Variants in COL6A5 observed in about 807,000 individuals in gnomAD.
The protein encoded by COL6A5 is collagen type VI alpha 5 chain, also known as collagen alpha-5(VI) chain.
Under a neutral mutation model 65.6 loss-of-function variants are expected in COL6A5, and 48 were observed. That is an observed-to-expected ratio of 0.73 (90% CI 0.58 to 0.93). COL6A5 has a LOEUF of 0.93. Among genes scored for constraint, COL6A5 ranks in the 40% least tolerant of loss-of-function variants. The probability of loss-of-function intolerance (pLI) is 0.00; values close to 1 mark genes in which losing one functional copy is unlikely to be tolerated. For synonymous variants in COL6A5, 291 were observed against 322.8 expected, an observed-to-expected ratio of 0.90 and a Z score of 1.05; for missense variants, 914 against 928.3, an observed-to-expected ratio of 0.98 and a Z score of 0.20.
At chr3:130,349,248 A>C (rs1032667894) in intron 1 of COL6A5, among the ~76,000 whole-genome samples, 5 of 152,362 alleles carry the variant, frequency 3.3e-5, no homozygotes, top group African/African-American at 1.2e-4. Flanking sequence ...ATAATAAGAA[A>C]CATGAAGAGA....
Position 130,444,783 on chromosome 3 carries a change from T to TC in COL6A5, c.1332+1219dup, listed in dbSNP as rs544473584. Among the ~76,000 whole-genome samples, 266 of 152,272 alleles carry TC rather than the reference T, an allele frequency of 1.7e-3. 1 individual carries two copies. The highest frequency in any genetic ancestry group is 6.1e-3 in the African/African-American group (254 of 41,570). On this transcript the variant is annotated intron_variant, in intron 4 of 7. Transcript: ENST00000512836. ...CTGCCACCTGATCTAACACCTCAGC[T>TC]CCAGGCATGATGGATAAGTGAGCTT... is the stretch of plus-strand genomic sequence containing the variant.
At chr3:130,397,922 AG>A (rs1478825826) in exon 9 of COL6A5, 1 of 1,550,036 alleles carries the variant, frequency 6.5e-7, no homozygotes, top group Non-Finnish European at 8.7e-7. Context: ...TCCCGGGGCC[AG>A]GTATCCATAT....
chr3:130,457,654 CA>C (rs1230026362), intron 5 of COL6A5, among the ~76,000 whole-genome samples: 2 of 152,044 alleles, frequency 1.3e-5, no homozygotes, highest in East Asian at 3.9e-4. Flanking sequence ...GCGTTTCAGA[CA>C]GAAGGATAAT....
chr3:130,401,406 C>A (rs573799215), intron 11 of COL6A5, among the ~76,000 whole-genome samples: 2 of 152,312 alleles, frequency 1.3e-5, no homozygotes, highest in Non-Finnish European at 2.9e-5. Flanking sequence ...CCAACCAACT[C>A]ATAATTGAAT....
exon 23 of COL6A5, chr3:130,415,681 G>C: frequency 6.5e-7 from 1 of 1,548,870 alleles, no homozygotes; most frequent in African/African-American, 1.4e-5. Flanking sequence ...AGGAGAAAAA[G>C]GAAGCCAGGG....
At chr3:130,421,298 A>G in intron 26 of COL6A5, 27 bp from the exon 27 acceptor site, 2 of 1,550,378 alleles carry the variant, frequency 1.3e-6, no homozygotes, top group South Asian at 2.4e-5. Context: ...ATGTTGATGT[A>G]TTTATGTTCT....
At chr3:130,361,539 G>A (rs535735477) in intron 1 of COL6A5, among the ~76,000 whole-genome samples, 4 of 152,106 alleles carry the variant, frequency 2.6e-5, no homozygotes, top group Admixed American at 1.3e-4. Flanking sequence ...GAACATCCAC[G>A]TGTAGTTTTT....
chr3:130,443,551 A>G (rs9883988), exon 4 of COL6A5: 1,498,177 of 1,607,236 alleles, frequency 0.93, 699,888 homozygotes, highest in Non-Finnish European at 0.95. Flanking sequence ...GAGAATATTC[A>G]AAATGATGGT....
At chr3:130,462,887 A>C (rs1012433527) in intron 5 of COL6A5, among the ~76,000 whole-genome samples, 2 of 152,048 alleles carry the variant, frequency 1.3e-5, no homozygotes, top group African/African-American at 2.4e-5. Flanking sequence ...TTCTGCTAGA[A>C]TCTCATCTCT....
intron 5 of COL6A5, among the ~76,000 whole-genome samples, chr3:130,387,161 C>T (rs865959523): frequency 6.6e-6 from 1 of 152,012 alleles, no homozygotes; most frequent in African/African-American, 2.4e-5. Flanking sequence ...GAGCCTACCA[C>T]ACTCAACTGT....
chr3:130,413,167 T>G (rs1937230393), intron 20 of COL6A5, among the ~76,000 whole-genome samples: 1 of 152,120 alleles, frequency 6.6e-6, no homozygotes, highest in Non-Finnish European at 1.5e-5. Context: ...GAAATGGATG[T>G]GCCACAGCTC....
rs76809474 is a variant in COL6A5 at position 130,357,267 on chromosome 3, A to G, written c.-29+11286A>G. On this transcript the variant is annotated intron_variant and NMD_transcript_variant, in intron 1 of 41. Transcript: ENST00000312481. ...GAGGGCACATGAATGATAACTGCAA[A>G]ATCTAACTAAAGAAGCAACAGAAAA... Among the ~76,000 whole-genome samples the G allele has an allele frequency of 9.5e-3, 1,446 of 152,298 alleles. 31 individuals carry two copies. The highest frequency in any genetic ancestry group is 0.033 in the African/African-American group (1,382 of 41,558).
intron 1 of COL6A5, among the ~76,000 whole-genome samples, chr3:130,368,649 G>A (rs1266536356): frequency 1.3e-5 from 2 of 152,054 alleles, no homozygotes; most frequent in South Asian, 2.1e-4. Context: ...TACCAAAGAA[G>A]AGGAGGGTCT....
exon 8 of COL6A5, chr3:130,484,188 G>A (rs1577554644): frequency 1.3e-6 from 1 of 746,996 alleles, no homozygotes; most frequent in South Asian, 3.1e-5. Context: ...CTAATAGCAT[G>A]CTAAATTTGT....
At chr3:130,468,341 C>T (rs1709865137) in intron 5 of COL6A5, among the ~76,000 whole-genome samples, 1 of 151,904 alleles carries the variant, frequency 6.6e-6, no homozygotes, top group African/African-American at 2.4e-5. Flanking sequence ...ATACTTTGAA[C>T]ACATATATAA....
At chr3:130,462,982 C>G (rs1218613680) in intron 5 of COL6A5, among the ~76,000 whole-genome samples, 1 of 152,080 alleles carries the variant, frequency 6.6e-6, no homozygotes, top group Non-Finnish European at 1.5e-5. Context: ...TCTTAGCCAA[C>G]TCATTCACCC....
At chr3:130,394,763 G>T in intron 7 of COL6A5, 127 bp from the exon 8 acceptor site, 1 of 667,570 alleles carries the variant, frequency 1.5e-6, no homozygotes, top group Non-Finnish European at 2.5e-6. Flanking sequence ...TCTCTCTCTT[G>T]TTAACTTATC....
At chr3:130,346,012 G>A (rs1277825921) in intron 1 of COL6A5, 31 bp downstream of exon 1, 4 of 398,638 alleles carry the variant, frequency 1.0e-5, no homozygotes, top group East Asian at 7.1e-5. Context: ...CTTGGGGCCT[G>A]AGGCAGGCGG....
intron 20 of COL6A5, 113 bp downstream of exon 20, chr3:130,410,637 G>A (rs148043108): frequency 0.012 from 10,383 of 864,826 alleles, 101 homozygotes; most frequent in Non-Finnish European, 0.014. Flanking sequence ...TATTTTTCAG[G>A]GCTTCTCCAT....
Sources: gnomAD v4.1 joint callset for allele counts (sites outside exome capture counted in the v4.1 genomes callset) on GRCh38, gnomAD v4.1.1 for gene constraint, MANE v1.5 for transcripts, NCBI Gene and HGNC (gene_info 2026-07-23, HGNC 2026-07-21) for gene names.